STOX2: variants seen among roughly 807,000 people sequenced by gnomAD.
STOX2 encodes the protein storkhead box 2, also known as storkhead-box protein 2.
STOX2 carries 28 observed loss-of-function variants against 60.9 expected under a neutral mutation model. The observed-to-expected ratio is 0.46, with a 90% CI of 0.34 to 0.63. The LOEUF is 0.63. Ranked by LOEUF, STOX2 falls within the 30% of genes least tolerant of loss-of-function variation. STOX2 has a pLI of 0.01. For synonymous variants in STOX2, 472 were observed against 463.9 expected, an observed-to-expected ratio of 1.02 and a Z score of -0.22; for missense variants, 1,024 against 1,187.7, an observed-to-expected ratio of 0.86 and a Z score of 2.03.
chr4:183,870,263 G>C (rs1740658698), intron 1 of STOX2, among the ~76,000 whole-genome samples: 1 of 152,202 alleles, frequency 6.6e-6, no homozygotes, highest in South Asian at 2.1e-4. Flanking sequence ...ACATGTGATT[G>C]TGTTTTGTAT....
intron 1 of STOX2, chr4:183,987,607 G>A (rs1423197795): frequency 1.3e-5 from 2 of 152,184 alleles, no homozygotes; most frequent in African/African-American, 4.8e-5. Context: ...CTCCTGCTGA[G>A]AGCGAGCTCC....
chr4:183,858,143 G>A (rs1444895904), intron 1 of STOX2, among the ~76,000 whole-genome samples: 2 of 152,174 alleles, frequency 1.3e-5, no homozygotes, highest in Non-Finnish European at 2.9e-5. Context: ...CACCATGCCT[G>A]ACCTCACTGC....
intron 1 of STOX2, among the ~76,000 whole-genome samples, chr4:183,973,530 A>G (rs1299404476): frequency 1.3e-5 from 2 of 152,342 alleles, no homozygotes; most frequent in East Asian, 3.9e-4. Context: ...AGGTAAAAAA[A>G]TGAAATTCTC....
chr4:184,008,306 C>T (rs1054537952), intron 2 of STOX2, among the ~76,000 whole-genome samples: 12 of 152,158 alleles, frequency 7.9e-5, no homozygotes, highest in Non-Finnish European at 2.9e-5. Flanking sequence ...TTAAGGTAGA[C>T]GAGGCATAAA....
intron 1 of STOX2, among the ~76,000 whole-genome samples, chr4:183,967,709 T>C (rs1400126689): frequency 6.6e-6 from 1 of 152,158 alleles, no homozygotes; most frequent in East Asian, 1.9e-4. Context: ...AAAATGGTGA[T>C]AGTAGGAAGG....
At chr4:183,863,172 A>G (rs1655461161) in intron 1 of STOX2, among the ~76,000 whole-genome samples, 1 of 152,148 alleles carries the variant, frequency 6.6e-6, no homozygotes, top group South Asian at 2.1e-4. Context: ...TGACGTGGAC[A>G]TGGAGCACAG....
chr4:184,000,049 G>C (rs1359073272), intron 1 of STOX2, among the ~76,000 whole-genome samples: 10 of 152,214 alleles, frequency 6.6e-5, no homozygotes, highest in Non-Finnish European at 4.4e-5. Context: ...ATGTTCTACT[G>C]TGTTGATAGT....
intron 1 of STOX2, among the ~76,000 whole-genome samples, chr4:183,896,286 A>T (rs866774048): frequency 6.6e-6 from 1 of 152,166 alleles, no homozygotes; most frequent in South Asian, 2.1e-4. Context: ...TTACAGAAGG[A>T]TGTGTGGGAG....
intron 1 of STOX2, among the ~76,000 whole-genome samples, chr4:183,960,107 G>A (rs866343224): frequency 5.3e-5 from 8 of 152,230 alleles, no homozygotes; most frequent in African/African-American, 1.7e-4. Flanking sequence ...GGGATGTGTT[G>A]TCATGACGAC....
intron 1 of STOX2, among the ~76,000 whole-genome samples, chr4:183,808,664 C>G (rs1738965672): frequency 6.6e-6 from 1 of 152,166 alleles, no homozygotes; most frequent in Non-Finnish European, 1.5e-5. Context: ...CTGTCTGTTC[C>G]CAGATAATAA....
At chr4:183,966,050 A>AAGAGAGAGGGGGGCAGGGAGGG (rs1743556603) in intron 1 of STOX2, among the ~76,000 whole-genome samples, 1 of 145,516 alleles carries the variant, frequency 6.9e-6, no homozygotes, top group Non-Finnish European at 1.5e-5. Context: ...CTGATAGGTA[A>AAGAGAGAGGGGGGCAGGGAGGG]AGAGAGAGGG....
chr4:183,847,008 G>A (rs79323532), intron 1 of STOX2, among the ~76,000 whole-genome samples: 2,751 of 152,266 alleles, frequency 0.018, 77 homozygotes, highest in African/African-American at 0.063. Flanking sequence ...GTCCATGGAA[G>A]CTTATGTTTG....
chr4:184,014,548 G>A lies in STOX2; in HGVS notation c.2586-2541G>A, dbSNP rs190468769. On this transcript the variant is annotated intron_variant, in intron 3 of 3. Transcript: ENST00000308497. ...TAAAATCCTGAAATCCTGTTTTTCA[G>A]GTTGTACTCCATTAGCTCTCTTTAA... 70 of 151,372 alleles carry A rather than the reference G, an allele frequency of 4.6e-4. 1 individual carries two copies. Among genetic ancestry groups the A allele is most frequent in the African/African-American group, 1.7e-3 (70 of 41,242 alleles). The allele number at this position is 151,372 out of a possible 1,614,324, so 9.4% of individuals were successfully genotyped here.
intron 1 of STOX2, among the ~76,000 whole-genome samples, chr4:183,961,394 G>T (rs771796158): frequency 6.6e-6 from 1 of 151,854 alleles, no homozygotes; most frequent in Non-Finnish European, 1.5e-5. Context: ...TGCATAGAAC[G>T]GTGGACTCTG....
chr4:183,842,454 A>G (rs893747189), intron 1 of STOX2, among the ~76,000 whole-genome samples: 5 of 152,144 alleles, frequency 3.3e-5, no homozygotes, highest in African/African-American at 9.7e-5. Flanking sequence ...GTACTCTGCC[A>G]CCCTGTTTGT....
upstream of STOX2, among the ~76,000 whole-genome samples, chr4:183,904,826 T>C (rs767759768): frequency 6.6e-6 from 1 of 152,232 alleles, no homozygotes; most frequent in Non-Finnish European, 1.5e-5. Flanking sequence ...ATAGCACAGA[T>C]TGTGTTAGAA....
chr4:183,955,514 C>T (rs1248203926), intron 1 of STOX2, among the ~76,000 whole-genome samples: 1 of 152,164 alleles, frequency 6.6e-6, no homozygotes, highest in Non-Finnish European at 1.5e-5. Flanking sequence ...GCTTTGAGAG[C>T]GCCCTGTCCT....
intron 1 of STOX2, among the ~76,000 whole-genome samples, chr4:183,833,009 C>T (rs1739611654): frequency 6.6e-6 from 1 of 152,208 alleles, no homozygotes; most frequent in South Asian, 2.1e-4. Context: ...TATTAGTCAG[C>T]TATTAAGAAT....
intron 1 of STOX2, among the ~76,000 whole-genome samples, chr4:183,819,070 CAG>C (rs1349043756): frequency 1.3e-5 from 2 of 149,574 alleles, no homozygotes; most frequent in Admixed American, 6.6e-5. Flanking sequence ...ACTGGGCAGC[CAG>C]GCAGAGGGGC....
Sources: allele counts gnomAD v4.1 joint callset (sites outside exome capture counted in the v4.1 genomes callset), GRCh38; gene constraint gnomAD v4.1.1; transcripts MANE v1.5; gene names NCBI Gene and HGNC (gene_info 2026-07-23, HGNC 2026-07-21).